FAF1: variants seen among roughly 807,000 people sequenced by gnomAD.
The protein encoded by FAF1 is Fas associated factor 1.
Under a neutral mutation model 92.5 loss-of-function variants are expected in FAF1, and 25 were observed. The ratio of observed to expected loss-of-function variants is 0.27; its 90% confidence interval spans 0.20 to 0.38. The LOEUF (loss-of-function observed/expected upper bound fraction) is 0.38, where lower values mean the gene tolerates loss of function less well. Ranked by LOEUF, FAF1 falls within the 10% of genes least tolerant of loss-of-function variation. The pLI, the probability that FAF1 is intolerant of heterozygous loss-of-function variation, is 1.00. For missense variants in FAF1, 636 were observed against 793.3 expected, an observed-to-expected ratio of 0.80 and a Z score of 2.38; for synonymous variants, 234 against 273.2, an observed-to-expected ratio of 0.86 and a Z score of 1.42.
chr1:50,637,679 A>ATGTGTGTG (rs764058700), intron 8 of FAF1, among the ~76,000 whole-genome samples: 240 of 101,800 alleles, frequency 2.4e-3, no homozygotes, highest in East Asian at 7.3e-3. Flanking sequence ...ACACATATAT[A>ATGTGTGTG]TATGTGTGTG....
At chr1:50,853,612 G>A (rs1433250344) in intron 2 of FAF1, among the ~76,000 whole-genome samples, 2 of 152,024 alleles carry the variant, frequency 1.3e-5, no homozygotes, top group Non-Finnish European at 2.9e-5. Flanking sequence ...TACTTAAAAC[G>A]TAGTATGGCT....
At chr1:50,460,574 CATGT>C (rs1646413199) in intron 18 of FAF1, among the ~76,000 whole-genome samples, 1 of 151,568 alleles carries the variant, frequency 6.6e-6, no homozygotes, top group Non-Finnish European at 1.5e-5. Context: ...TACATATATG[CATGT>C]ATGTGTGTGT....
intron 15 of FAF1, among the ~76,000 whole-genome samples, chr1:50,509,257 T>C (rs929159146): frequency 4.6e-5 from 7 of 152,192 alleles, no homozygotes; most frequent in Non-Finnish European, 8.8e-5. Context: ...ATTTTAATCT[T>C]TCCACATCTA....
chr1:50,882,278 A>G (rs1644618165), intron 1 of FAF1, among the ~76,000 whole-genome samples: 1 of 152,148 alleles, frequency 6.6e-6, no homozygotes, highest in African/African-American at 2.4e-5. Context: ...ATCTAAAATG[A>G]AAGATAAGTT....
intron 14 of FAF1, among the ~76,000 whole-genome samples, chr1:50,537,563 A>C (rs886694078): frequency 2.4e-4 from 36 of 152,206 alleles, no homozygotes; most frequent in African/African-American, 8.4e-4. Context: ...AGAAATATTT[A>C]AAATAAATTT....
intron 4 of FAF1, among the ~76,000 whole-genome samples, chr1:50,747,585 T>C (rs886808859): frequency 6.6e-6 from 1 of 152,132 alleles, no homozygotes; most frequent in South Asian, 2.1e-4. Flanking sequence ...AGATGAGACT[T>C]TGGACTTCTG....
At chr1:50,660,195 A>T (rs1342759025) in intron 7 of FAF1, among the ~76,000 whole-genome samples, 1 of 152,208 alleles carries the variant, frequency 6.6e-6, no homozygotes, top group African/African-American at 2.4e-5. Context: ...ATTTCATCAG[A>T]ATTTCTTAGG....
intron 2 of FAF1, among the ~76,000 whole-genome samples, chr1:50,839,893 G>C (rs1472729095): frequency 6.6e-6 from 1 of 151,964 alleles, no homozygotes; most frequent in African/African-American, 2.4e-5. Flanking sequence ...GATCCTGACT[G>C]CTTATACTTC....
chr1:50,938,341 T>G (rs552072752), intron 1 of FAF1, among the ~76,000 whole-genome samples: 1 of 152,186 alleles, frequency 6.6e-6, no homozygotes, highest in Admixed American at 6.5e-5. Context: ...TCAGTAGGAA[T>G]GTATATGAAA....
At chr1:50,600,473 T>C (rs1484120006) in intron 8 of FAF1, among the ~76,000 whole-genome samples, 2 of 152,116 alleles carry the variant, frequency 1.3e-5, no homozygotes, top group African/African-American at 4.8e-5. Context: ...GATTCTACAT[T>C]GAAAGTAACA....
intron 9 of FAF1, among the ~76,000 whole-genome samples, chr1:50,593,240 A>C (rs554872458): frequency 6.6e-6 from 1 of 152,318 alleles, no homozygotes; most frequent in East Asian, 1.9e-4. Flanking sequence ...TAACCTAAAT[A>C]GTGTGCTAGC....
At chr1:50,875,151 A>T (rs1320714893) in intron 1 of FAF1, among the ~76,000 whole-genome samples, 3 of 151,842 alleles carry the variant, frequency 2.0e-5, no homozygotes, top group Non-Finnish European at 2.9e-5. Flanking sequence ...ATCTGAATCT[A>T]TTGTTTTGTT....
chr1:50,536,089 T>C (rs1217529857), intron 14 of FAF1, among the ~76,000 whole-genome samples: 1 of 152,166 alleles, frequency 6.6e-6, no homozygotes, highest in South Asian at 2.1e-4. Flanking sequence ...GTGAAAGAAA[T>C]AGTAATTCAA....
At chr1:50,822,619 T>G (rs1557545021) in intron 2 of FAF1, among the ~76,000 whole-genome samples, 1 of 152,142 alleles carries the variant, frequency 6.6e-6, no homozygotes, top group South Asian at 2.1e-4. Context: ...ATAACTGCCT[T>G]CTCTATTCAA....
chr1:50,889,304 T>TA (rs769753248), intron 1 of FAF1, among the ~76,000 whole-genome samples: 2 of 152,306 alleles, frequency 1.3e-5, no homozygotes, highest in South Asian at 2.1e-4. Context: ...GCTGATCTTT[T>TA]AAAAAACCCA....
intron 1 of FAF1, among the ~76,000 whole-genome samples, chr1:50,882,998 A>C (rs565939984): frequency 1.6e-4 from 24 of 152,080 alleles, no homozygotes; most frequent in African/African-American, 4.3e-4. Flanking sequence ...AAAAAAAAAA[A>C]AAAACTAGGT....
At chr1:50,746,267 TA>T (rs1659591174) in intron 4 of FAF1, among the ~76,000 whole-genome samples, 299 of 20,090 alleles carry the variant, frequency 0.015, 7 homozygotes, top group African/African-American at 0.052. Flanking sequence ...TATATATATA[TA>T]TATATATATA....
chr1:50,635,903 T>G (rs765256749), intron 8 of FAF1, among the ~76,000 whole-genome samples: 10 of 152,330 alleles, frequency 6.6e-5, no homozygotes, highest in Non-Finnish European at 1.5e-4. Flanking sequence ...TGCCTCTTGG[T>G]ATTATAATTC....
chr1:50,467,506 G>A (rs945233829), intron 18 of FAF1, among the ~76,000 whole-genome samples: 1 of 151,954 alleles, frequency 6.6e-6, no homozygotes, highest in African/African-American at 2.4e-5. Flanking sequence ...GTAGAGGCGG[G>A]GTTTCACCAT....
Sources: gnomAD v4.1 joint callset for allele counts (sites outside exome capture counted in the v4.1 genomes callset) on GRCh38, gnomAD v4.1.1 for gene constraint, MANE v1.5 for transcripts, NCBI Gene and HGNC (gene_info 2026-07-23, HGNC 2026-07-21) for gene names.